The following KCNIP4 variants were observed in gnomAD, a reference collection of about 807,000 sequenced individuals.
KCNIP4 encodes Kv channel-interacting protein 4.
A neutral mutation model predicts 34.0 loss-of-function variants in KCNIP4; 12 were observed. The observed-to-expected ratio is 0.35, with a 90% CI of 0.23 to 0.57. The LOEUF is 0.57. Among genes scored for constraint, KCNIP4 ranks in the 20% least tolerant of loss-of-function variants. The pLI, the probability that KCNIP4 is intolerant of heterozygous loss-of-function variation, is 0.83. For synonymous variants in KCNIP4, 124 were observed against 102.2 expected (o/e 1.21, Z -1.29); for missense variants, 238 against 311.7 (o/e 0.76, Z 1.78).
intron 1 of KCNIP4, among the ~76,000 whole-genome samples, chr4:21,195,811 T>C (rs1349306788): frequency 1.3e-5 from 2 of 152,072 alleles, no homozygotes; most frequent in African/African-American, 4.8e-5. Context: ...GCAACTTCTT[T>C]CCGCCCAAGT....
intron 3 of KCNIP4, among the ~76,000 whole-genome samples, chr4:20,843,036 T>A (rs1719938588): frequency 6.6e-6 from 1 of 151,936 alleles, no homozygotes; most frequent in African/African-American, 2.4e-5. Context: ...GCCTCCCAAG[T>A]AGCTGGGATT....
At chr4:21,709,592 G>T (rs1280880913) in intron 1 of KCNIP4, among the ~76,000 whole-genome samples, 1 of 152,044 alleles carries the variant, frequency 6.6e-6, no homozygotes, top group Non-Finnish European at 1.5e-5. Context: ...AGAAAGAGAA[G>T]ATGCAAATAA....
chr4:21,578,925 G>A (rs531182597), intron 1 of KCNIP4, among the ~76,000 whole-genome samples: 1 of 152,242 alleles, frequency 6.6e-6, no homozygotes, highest in Admixed American at 6.5e-5. Flanking sequence ...TGCTGCAGGT[G>A]CTTAACAAAT....
At chr4:21,405,215 C>T (rs182660082) in intron 1 of KCNIP4, among the ~76,000 whole-genome samples, 2 of 152,264 alleles carry the variant, frequency 1.3e-5, no homozygotes, top group Admixed American at 1.3e-4. Context: ...AACCCTGGCT[C>T]CTTAAATCTA....
At chr4:21,434,387 A>G (rs1339660010) in intron 1 of KCNIP4, among the ~76,000 whole-genome samples, 1 of 152,222 alleles carries the variant, frequency 6.6e-6, no homozygotes, top group Non-Finnish European at 1.5e-5. Context: ...ATATTCTAAG[A>G]AAAATTAATA....
At chr4:21,254,919 G>A (rs935385248) in intron 1 of KCNIP4, among the ~76,000 whole-genome samples, 10 of 152,036 alleles carry the variant, frequency 6.6e-5, no homozygotes, top group African/African-American at 1.9e-4. Context: ...TGTAATCATC[G>A]CAGTCACCAG....
At chr4:20,821,661 G>A (rs1717120732) in intron 3 of KCNIP4, among the ~76,000 whole-genome samples, 2 of 151,790 alleles carry the variant, frequency 1.3e-5, no homozygotes, top group African/African-American at 4.8e-5. Flanking sequence ...AGCCCCCAAA[G>A]TCCATTGTAT....
At chr4:20,768,702 A>G (rs1022378919) in intron 3 of KCNIP4, among the ~76,000 whole-genome samples, 1 of 152,220 alleles carries the variant, frequency 6.6e-6, no homozygotes, top group African/African-American at 2.4e-5. Flanking sequence ...AAAGAAACCC[A>G]ACCAATTTTA....
intron 3 of KCNIP4, among the ~76,000 whole-genome samples, chr4:20,812,640 C>T (rs1280826950): frequency 1.3e-5 from 2 of 152,058 alleles, no homozygotes; most frequent in Non-Finnish European, 2.9e-5. Flanking sequence ...TATTGGAGTT[C>T]GGTTTGGGGA....
intron 1 of KCNIP4, among the ~76,000 whole-genome samples, chr4:21,089,218 C>G (rs1025048765): frequency 6.6e-6 from 1 of 152,074 alleles, no homozygotes; most frequent in African/African-American, 2.4e-5. Context: ...GTGGACTTCC[C>G]CCTTGCTGTT....
intron 1 of KCNIP4, among the ~76,000 whole-genome samples, chr4:21,495,277 T>G (rs1732763459): frequency 6.6e-6 from 1 of 152,174 alleles, no homozygotes; most frequent in African/African-American, 2.4e-5. Context: ...CTTGCTTGTT[T>G]GACAAAACTC....
chr4:20,778,510 TC>T (rs1756576245), intron 3 of KCNIP4, among the ~76,000 whole-genome samples: 1 of 152,164 alleles, frequency 6.6e-6, no homozygotes, highest in Non-Finnish European at 1.5e-5. Flanking sequence ...CTGAATAAGA[TC>T]AGTGGATTAC....
At position 20,818,241 on chromosome 4, in the gene KCNIP4, G is replaced by C. The variant is rs145551801; in HGVS notation, c.288+32302C>G. Among the ~76,000 whole-genome samples, 26 of 152,268 alleles carry C rather than the reference G, an allele frequency of 1.7e-4. No individual in the cohort carries two copies. In the East Asian group the frequency reaches 4.1e-3, roughly 24 times the overall value. ...GCTAAGTAAATGTTGAAACTAAAAG[G>C]GGAGCCCCCTGCCAAAGACATCCTA... On this transcript the variant is annotated intron_variant, in intron 3 of 8. Transcript: ENST00000382152.
intron 8 of KCNIP4, among the ~76,000 whole-genome samples, chr4:20,730,724 A>C (rs575685850): frequency 6.6e-6 from 1 of 152,304 alleles, no homozygotes; most frequent in African/African-American, 2.4e-5. Context: ...GGGGAGCAGA[A>C]ACCACTGCTC....
chr4:20,785,681 CT>C (rs974086467), intron 3 of KCNIP4, among the ~76,000 whole-genome samples: 43 of 151,962 alleles, frequency 2.8e-4, no homozygotes, highest in Non-Finnish European at 2.2e-4. Context: ...CCACCTTTGG[CT>C]TTTTTAAATA....
At chr4:21,283,544 T>A (rs1274597181) in intron 1 of KCNIP4, among the ~76,000 whole-genome samples, 1 of 151,234 alleles carries the variant, frequency 6.6e-6, no homozygotes, top group Non-Finnish European at 1.5e-5. Flanking sequence ...TTGTCTAATA[T>A]CCTTACTCGA....
chr4:21,005,841 T>A (rs960847902), intron 1 of KCNIP4, among the ~76,000 whole-genome samples: 10 of 152,192 alleles, frequency 6.6e-5, no homozygotes, highest in Admixed American at 6.5e-4. Flanking sequence ...TACAGCAGCA[T>A]CTCTACCAGA....
chr4:21,383,503 A>AG (rs1251229625), intron 1 of KCNIP4, among the ~76,000 whole-genome samples: 1 of 149,050 alleles, frequency 6.7e-6, no homozygotes, highest in African/African-American at 2.4e-5. Context: ...CAAGACAAAA[A>AG]AAAAAAAAAA....
chr4:21,807,456 A>G (rs1721366688), intron 1 of KCNIP4, among the ~76,000 whole-genome samples: 1 of 152,214 alleles, frequency 6.6e-6, no homozygotes, highest in African/African-American at 2.4e-5. Context: ...ATGAGGGGTC[A>G]CTCAATCTAG....
Sources: allele counts gnomAD v4.1 joint callset (sites outside exome capture counted in the v4.1 genomes callset), GRCh38; gene constraint gnomAD v4.1.1; transcripts MANE v1.5; gene names NCBI Gene and HGNC (gene_info 2026-07-23, HGNC 2026-07-21).